Variants in AGBL4 observed in about 807,000 individuals in gnomAD.
The protein encoded by AGBL4 is AGBL carboxypeptidase 4.
In AGBL4, 58 loss-of-function variants were observed where a neutral mutation model predicts 66.4. The ratio of observed to expected loss-of-function variants is 0.87; its 90% CI spans 0.71 to 1.09. The LOEUF (loss-of-function observed/expected upper bound fraction) is 1.09, where lower values mean the gene tolerates loss of function less well. AGBL4 is among the 50% of genes least tolerant of loss of function. AGBL4 has a pLI of 0.00. For missense variants in AGBL4, 579 were observed against 631.0 expected, an observed-to-expected ratio of 0.92 and a Z score of 0.88; for synonymous variants, 234 against 222.9, an observed-to-expected ratio of 1.05 and a Z score of -0.44.
chr1:50,000,227 AAAAC>A (rs1286063673), intron 1 of AGBL4, among the ~76,000 whole-genome samples: 7 of 152,182 alleles, frequency 4.6e-5, no homozygotes, highest in Non-Finnish European at 8.8e-5. Context: ...AATCAGCAAG[AAAAC>A]AAACAACCCC....
chr1:49,493,247 C>G (rs560071834), intron 3 of AGBL4, among the ~76,000 whole-genome samples: 2 of 151,936 alleles, frequency 1.3e-5, no homozygotes, highest in African/African-American at 4.8e-5. Context: ...TATGTTAATG[C>G]TTACTACAAT....
chr1:49,235,822 C>G (rs945243665), intron 4 of AGBL4, among the ~76,000 whole-genome samples: 2 of 152,024 alleles, frequency 1.3e-5, no homozygotes, highest in African/African-American at 4.8e-5. Context: ...TCACTGTGCT[C>G]TGTGTGAAAA....
At chr1:49,085,814 C>T (rs1472122404) in intron 4 of AGBL4, among the ~76,000 whole-genome samples, 1 of 152,160 alleles carries the variant, frequency 6.6e-6, no homozygotes, top group Non-Finnish European at 1.5e-5. Context: ...TCTAGCTCCC[C>T]TGTTTCCCCC....
intron 4 of AGBL4, among the ~76,000 whole-genome samples, chr1:49,052,905 A>T (rs1644245589): frequency 6.6e-6 from 1 of 152,204 alleles, no homozygotes; most frequent in African/African-American, 2.4e-5. Flanking sequence ...GTCATTGTAT[A>T]GTAGAACTAA....
chr1:49,045,884 A>C (rs910680910), intron 4 of AGBL4, 84 bp from the exon 5 acceptor site: 6 of 1,142,402 alleles, frequency 5.3e-6, no homozygotes, highest in East Asian at 2.6e-5. Context: ...CAATGCCTGG[A>C]GAAAAACTGT....
chr1:49,959,599 C>T (rs1656953240), intron 1 of AGBL4, among the ~76,000 whole-genome samples: 2 of 152,046 alleles, frequency 1.3e-5, no homozygotes, highest in African/African-American at 4.8e-5. Flanking sequence ...GACATTCATG[C>T]AGCCAACATG....
chr1:49,066,432 G>T (rs1644493900), intron 4 of AGBL4, among the ~76,000 whole-genome samples: 1 of 152,094 alleles, frequency 6.6e-6, no homozygotes, highest in Non-Finnish European at 1.5e-5. Flanking sequence ...CACGCCTGTA[G>T]TCCCAGCTAC....
At chr1:49,597,804 G>A (rs1571139017) in intron 3 of AGBL4, among the ~76,000 whole-genome samples, 2 of 152,204 alleles carry the variant, frequency 1.3e-5, no homozygotes, top group South Asian at 4.1e-4. Context: ...GTTCACTCAT[G>A]ATTTTGGCTG....
intron 3 of AGBL4, among the ~76,000 whole-genome samples, chr1:49,547,535 G>A (rs903721712): frequency 1.3e-5 from 2 of 152,088 alleles, no homozygotes; most frequent in African/African-American, 2.4e-5. Flanking sequence ...TTCTAATTCT[G>A]TAAAGAATGA....
rs138606201 is a variant in AGBL4 at position 48,993,128 on chromosome 1, A to T, written c.594+52456T>A. Among the ~76,000 whole-genome samples, 65 of 152,284 alleles carry T rather than the reference A, an allele frequency of 4.3e-4. 1 individual carries two copies. The East Asian group carries it at 0.012, about 29-fold the overall frequency. On this transcript the variant is annotated intron_variant, in intron 5 of 13. Coordinates refer to ENST00000371839, the MANE Select transcript of AGBL4 (RefSeq NM_032785.4). ...GCTCGCATGTCTCAGGGTCTCAGCC[A>T]AGGCCTACAACATGTATGACCTGAC...
intron 1 of AGBL4, among the ~76,000 whole-genome samples, chr1:49,984,736 AC>A (rs1659357230): frequency 6.6e-6 from 1 of 152,220 alleles, no homozygotes; most frequent in South Asian, 2.1e-4. Flanking sequence ...ATTGAAACCA[AC>A]AGAAATATAA....
intron 3 of AGBL4, among the ~76,000 whole-genome samples, chr1:49,470,366 C>T (rs1160678589): frequency 6.6e-6 from 1 of 151,958 alleles, no homozygotes; most frequent in Non-Finnish European, 1.5e-5. Context: ...AAGATATGCA[C>T]TATTTGAGAG....
intron 2 of AGBL4, among the ~76,000 whole-genome samples, chr1:49,813,945 A>T (rs375777638): frequency 6.6e-6 from 1 of 152,032 alleles, no homozygotes; most frequent in African/African-American, 2.4e-5. Flanking sequence ...TGCTATTCTC[A>T]TGATAGTGAA....
In AGBL4 at chr1:48,700,498, A is replaced by T. The variant is rs148562136; in HGVS notation, c.635-37257T>A. On this transcript the variant is annotated intron_variant, in intron 6 of 13. Coordinates refer to ENST00000371839, the MANE Select transcript of AGBL4 (RefSeq NM_032785.4). Reference sequence around the variant, plus strand: ...CACTTAAGAGGAAATTAGCCTCAACATTCAGAGGAGGGAAATGTAAAATGA... The same window carrying T: ...CACTTAAGAGGAAATTAGCCTCAACTTTCAGAGGAGGGAAATGTAAAATGA... 3.9e-3 allele frequency among the ~76,000 whole-genome samples: 593 copies of T among 152,336 alleles called. 3 individuals carry two copies. Among genetic ancestry groups the T allele is most frequent in the South Asian group, 0.027 (129 of 4,826 alleles).
chr1:49,620,526 T>A (rs1225869454), intron 3 of AGBL4, among the ~76,000 whole-genome samples: 2 of 152,156 alleles, frequency 1.3e-5, no homozygotes, highest in Admixed American at 1.3e-4. Context: ...GCTGGGAGTG[T>A]CAATTAGTTC....
intron 4 of AGBL4, among the ~76,000 whole-genome samples, chr1:49,066,731 C>T (rs1400789656): frequency 6.6e-6 from 1 of 152,180 alleles, no homozygotes; most frequent in Non-Finnish European, 1.5e-5. Flanking sequence ...CAGAATGTAG[C>T]TATACCAGGA....
At chr1:49,158,018 C>T (rs572728123) in intron 4 of AGBL4, among the ~76,000 whole-genome samples, 16 of 152,144 alleles carry the variant, frequency 1.1e-4, no homozygotes. Context: ...AATTTTCTCC[C>T]GTTCTGTAGG....
intron 3 of AGBL4, among the ~76,000 whole-genome samples, chr1:49,522,410 C>T (rs1650336398): frequency 6.6e-6 from 1 of 152,012 alleles, no homozygotes. Flanking sequence ...ACGCAACATG[C>T]CTTCTCATCG....
At chr1:49,812,493 T>C (rs1334365437) in intron 2 of AGBL4, among the ~76,000 whole-genome samples, 1 of 152,170 alleles carries the variant, frequency 6.6e-6, no homozygotes, top group Non-Finnish European at 1.5e-5. Flanking sequence ...GCCAGTTCCA[T>C]TTATCTACAT....
Sources: allele counts gnomAD v4.1 joint callset (sites outside exome capture counted in the v4.1 genomes callset), GRCh38; gene constraint gnomAD v4.1.1; transcripts MANE v1.5; gene names NCBI Gene and HGNC (gene_info 2026-07-23, HGNC 2026-07-21).